ELAVL2: variants seen among roughly 807,000 people sequenced by gnomAD.
The protein encoded by ELAVL2 is ELAV-like protein 2.
ELAVL2 carries 4 observed loss-of-function variants against 34.6 expected under a neutral mutation model. The observed-to-expected ratio is 0.12, with a 90% confidence interval of 0.06 to 0.26. The LOEUF is 0.26. ELAVL2 is among the 10% of genes least tolerant of loss of function. ELAVL2 has a pLI of 1.00. For synonymous variants in ELAVL2, 193 were observed against 154.8 expected, an observed-to-expected ratio of 1.25 and a Z score of -1.83; for missense variants, 432 against 442.8, an observed-to-expected ratio of 0.98 and a Z score of 0.22.
intron 3 of ELAVL2, among the ~76,000 whole-genome samples, chr9:23,714,565 TCAA>T (rs2041830324): frequency 1.3e-5 from 2 of 152,184 alleles, no homozygotes; most frequent in Non-Finnish European, 2.9e-5. Context: ...ATTTCTCCCA[TCAA>T]GCTGTTACAT....
chr9:23,723,698 A>G (rs1215022096), intron 3 of ELAVL2, among the ~76,000 whole-genome samples: 1 of 152,184 alleles, frequency 6.6e-6, no homozygotes, highest in African/African-American at 2.4e-5. Context: ...AGTGTCTTCT[A>G]TCATGATGCA....
At chr9:23,818,133 C>T (rs2063982494) in intron 1 of ELAVL2, among the ~76,000 whole-genome samples, 1 of 152,124 alleles carries the variant, frequency 6.6e-6, no homozygotes, top group South Asian at 2.1e-4. Flanking sequence ...GACTTCTACA[C>T]CTGTAAAATG....
chr9:23,729,970 C>CT (rs2046154421), intron 3 of ELAVL2, among the ~76,000 whole-genome samples: 1 of 152,104 alleles, frequency 6.6e-6, no homozygotes, highest in Non-Finnish European at 1.5e-5. Flanking sequence ...CCACTTCAGG[C>CT]TATAGTCTGA....
chr9:23,698,844 A>G (rs2036176656), intron 5 of ELAVL2, among the ~76,000 whole-genome samples: 1 of 152,174 alleles, frequency 6.6e-6, no homozygotes, highest in African/African-American at 2.4e-5. Flanking sequence ...CTGAAATCTG[A>G]TTTCTTCCAA....
intron 1 of ELAVL2, among the ~76,000 whole-genome samples, chr9:23,786,736 T>C (rs771739926): frequency 7.8e-5 from 10 of 127,674 alleles, no homozygotes; most frequent in Non-Finnish European, 1.6e-4. Flanking sequence ...TCAAAAAGTA[T>C]ATAAGCAGGA....
chr9:23,819,661 C>T (rs2064247129), intron 1 of ELAVL2, among the ~76,000 whole-genome samples: 1 of 152,126 alleles, frequency 6.6e-6, no homozygotes, highest in African/African-American at 2.4e-5. Context: ...AAACAACTAA[C>T]TCCCTGAAAG....
chr9:23,763,537 G>A (rs768262589), intron 1 of ELAVL2, among the ~76,000 whole-genome samples: 8 of 152,032 alleles, frequency 5.3e-5, no homozygotes, highest in Non-Finnish European at 7.4e-5. Context: ...CTTTAACATA[G>A]AAAAGGCAAA....
At chr9:23,825,236 C>CAGCCCT (rs1465989373) in intron 1 of ELAVL2, among the ~76,000 whole-genome samples, 1 of 152,196 alleles carries the variant, frequency 6.6e-6, no homozygotes, top group East Asian at 1.9e-4. Flanking sequence ...GCCCCAGCCC[C>CAGCCCT]AGCCCTCAGG....
At chr9:23,810,847 G>A (rs1439502374) in intron 1 of ELAVL2, among the ~76,000 whole-genome samples, 1 of 152,150 alleles carries the variant, frequency 6.6e-6, no homozygotes, top group African/African-American at 2.4e-5. Context: ...TAGAGGAAAT[G>A]CTCCGTGTCT....
chr9:23,747,723 A>T (rs1192795827), intron 2 of ELAVL2, among the ~76,000 whole-genome samples: 1 of 152,154 alleles, frequency 6.6e-6, no homozygotes, highest in Non-Finnish European at 1.5e-5. Flanking sequence ...CACCTTTTTC[A>T]TTATTTTAAA....
At chr9:23,776,039 A>G (rs903642760) in intron 1 of ELAVL2, among the ~76,000 whole-genome samples, 3 of 152,178 alleles carry the variant, frequency 2.0e-5, no homozygotes, top group Non-Finnish European at 4.4e-5. Flanking sequence ...GCAAGTAAAA[A>G]ACAACCCCCT....
At chr9:23,817,110 A>G (rs1319686563) in intron 1 of ELAVL2, among the ~76,000 whole-genome samples, 3 of 151,946 alleles carry the variant, frequency 2.0e-5, no homozygotes, top group Non-Finnish European at 4.4e-5. Flanking sequence ...AAATTTGTCA[A>G]GTTTTTTAAA....
intron 3 of ELAVL2, among the ~76,000 whole-genome samples, chr9:23,728,004 C>T (rs1255741630): frequency 6.6e-6 from 1 of 152,050 alleles, no homozygotes; most frequent in Non-Finnish European, 1.5e-5. Context: ...TCTTCTGTAC[C>T]TTTCTAAAGT....
intron 1 of ELAVL2, chr9:23,783,464 C>G: frequency 6.1e-6 from 6 of 985,384 alleles, no homozygotes; most frequent in Non-Finnish European, 7.2e-6. Flanking sequence ...AGTGGCCATG[C>G]ACTAACCTGA....
chr9:23,699,395 C>G (rs2036363599), intron 5 of ELAVL2, among the ~76,000 whole-genome samples: 2 of 152,078 alleles, frequency 1.3e-5, no homozygotes, highest in African/African-American at 4.8e-5. Flanking sequence ...AACTATCAAA[C>G]AAAATCATTG....
chr9:23,741,977 A>C (rs2049314830), intron 2 of ELAVL2, among the ~76,000 whole-genome samples: 1 of 152,120 alleles, frequency 6.6e-6, no homozygotes, highest in Non-Finnish European at 1.5e-5. Flanking sequence ...AATGGCCAGG[A>C]TTGAAACCTA....
intron 3 of ELAVL2, among the ~76,000 whole-genome samples, chr9:23,716,066 A>T (rs1161499314): frequency 6.7e-6 from 1 of 150,370 alleles, no homozygotes; most frequent in Non-Finnish European, 1.5e-5. Flanking sequence ...CTTTACTTAA[A>T]TCTTTGTTTT....
intron 1 of ELAVL2, among the ~76,000 whole-genome samples, chr9:23,776,663 A>G (rs1383927322): frequency 1.3e-5 from 2 of 150,842 alleles, no homozygotes; most frequent in Admixed American, 1.3e-4. Flanking sequence ...AGTCAAACGC[A>G]CACAAGGAAA....
At chr9:23,720,381 G>A (rs1463053915) in intron 3 of ELAVL2, among the ~76,000 whole-genome samples, 2 of 151,614 alleles carry the variant, frequency 1.3e-5, no homozygotes, top group Non-Finnish European at 2.9e-5. Flanking sequence ...CGTCATGTTG[G>A]CGGCCAAGCT....
Sources: allele counts gnomAD v4.1 joint callset (sites outside exome capture counted in the v4.1 genomes callset), GRCh38; gene constraint gnomAD v4.1.1; transcripts MANE v1.5; gene names NCBI Gene and HGNC (gene_info 2026-07-23, HGNC 2026-07-21).